Variants in FUBP3 observed in about 807,000 individuals in gnomAD.
FUBP3 encodes the protein far upstream element binding protein 3, also known as far upstream element-binding protein 3.
A neutral mutation model predicts 85.6 loss-of-function variants in FUBP3; 28 were observed. The observed-to-expected ratio is 0.33, with a 90% confidence interval of 0.24 to 0.45. The LOEUF (loss-of-function observed/expected upper bound fraction) is 0.45. Ranked by LOEUF, FUBP3 falls within the 20% of genes least tolerant of loss-of-function variation. The pLI, the probability that FUBP3 is intolerant of heterozygous loss-of-function variation, is 1.00. For synonymous variants in FUBP3, 271 were observed against 271.4 expected, an observed-to-expected ratio of 1.00 and a Z score of 0.01; for missense variants, 583 against 755.1, an observed-to-expected ratio of 0.77 and a Z score of 2.67.
chr9:130,582,998 C>T (rs1830198071), intron 1 of FUBP3, among the ~76,000 whole-genome samples: 5 of 152,156 alleles, frequency 3.3e-5, no homozygotes, highest in Admixed American at 2.6e-4. Flanking sequence ...CACTCAATGC[C>T]TCTGGATTGT....
intron 12 of FUBP3, among the ~76,000 whole-genome samples, chr9:130,629,850 G>A (rs1249239445): frequency 6.6e-6 from 1 of 152,236 alleles, no homozygotes; most frequent in Non-Finnish European, 1.5e-5. Flanking sequence ...ATCCCCCACA[G>A]AGTTGAGCAG....
chr9:130,629,906 T>C (rs1474545763), intron 12 of FUBP3, among the ~76,000 whole-genome samples: 2 of 152,224 alleles, frequency 1.3e-5, no homozygotes, highest in Non-Finnish European at 2.9e-5. Context: ...AATCCAACTA[T>C]TGTTACGCTG....
rs1347408766 is a variant in FUBP3, at chr9:130,612,191, G to A, written c.225-265G>A. 6.6e-6 allele frequency among the ~76,000 whole-genome samples: 1 copy of A among 152,188 alleles called. No homozygotes were observed. Among genetic ancestry groups the A allele is most frequent in the Non-Finnish European group, 1.5e-5 (1 of 68,026 alleles). On this transcript the variant is annotated intron_variant, in intron 3 of 18. Coordinates refer to ENST00000319725, the MANE Select transcript of FUBP3 (RefSeq NM_003934.2). This position sits in a 1 kb window ranked among gnomAD's most constrained non-coding sequence, Gnocchi z 4.1. ...CTGTATGAAGAAAAGGCAGCTGTTA[G>A]AGGAGGTGATGGTTTCATGAAAACC... is the stretch of plus-strand genomic sequence containing the variant.
chr9:130,599,353 AAGTATATG>A lies in FUBP3; in HGVS notation c.190+3766_190+3773del, dbSNP rs1056683322. ...TACACACATATATACACATATATAT[AAGTATATG>A]TGTGTGTGTGTGTGTGTGTGTGTAT... is the stretch of plus-strand genomic sequence containing the variant. On this transcript the variant is annotated intron_variant, in intron 2 of 18. Transcript: ENST00000319725. Among the ~76,000 whole-genome samples the A allele has an allele frequency of 3.2e-4, 32 of 99,056 alleles. 1 individual carries two copies. The highest frequency in any genetic ancestry group is 9.8e-4 in the South Asian group (3 of 3,076). 65.0% of individuals were successfully genotyped at this position (99,056 alleles called of 152,430 possible).
chr9:130,629,380 A>G (rs374132772), intron 12 of FUBP3, among the ~76,000 whole-genome samples: 2 of 152,166 alleles, frequency 1.3e-5, no homozygotes, highest in East Asian at 3.9e-4. Context: ...AACTTAACCA[A>G]CGTCTTCTGC....
intron 5 of FUBP3, among the ~76,000 whole-genome samples, 185 bp from the exon 6 acceptor site, chr9:130,614,103 C>T (rs1264506856): frequency 2.6e-5 from 4 of 152,198 alleles, no homozygotes; most frequent in Non-Finnish European, 5.9e-5. Flanking sequence ...GTTTCTACTT[C>T]GAGAATCTAG....
chr9:130,637,107 CT>C lies in FUBP3; in HGVS notation c.*89del. ...AACAGAGGTTTTTACATTTGCAAACCTTTTGATGAAGAACTGTTGTTTTGTT... is the reference window on the plus strand; with the variant it reads ...AACAGAGGTTTTTACATTTGCAAACCTTTGATGAAGAACTGTTGTTTTGTT... On this transcript the variant is annotated 3_prime_UTR_variant, in exon 19 of 19. Coordinates refer to ENST00000319725, the MANE Select transcript of FUBP3 (RefSeq NM_003934.2). 1.9e-6 allele frequency: 2 copies of C among 1,074,070 alleles called. No individual in the cohort carries two copies. The highest frequency in any genetic ancestry group is 2.9e-6 in the Non-Finnish European group (2 of 688,416). 66.5% of individuals were successfully genotyped at this position (1,074,070 alleles called of 1,614,324 possible).
chr9:130,631,700 C>A, intron 14 of FUBP3, 70 bp downstream of exon 14: 5 of 1,285,266 alleles, frequency 3.9e-6, no homozygotes, highest in Non-Finnish European at 5.6e-6. Flanking sequence ...TCGTTTCCAG[C>A]TACTTCTAGC....
At chr9:130,605,265 CTG>C (rs1831364041) in intron 2 of FUBP3, among the ~76,000 whole-genome samples, 1 of 152,216 alleles carries the variant, frequency 6.6e-6, no homozygotes. Context: ...CCCTGCTAGA[CTG>C]TAAGCTCCCT....
intron 2 of FUBP3, among the ~76,000 whole-genome samples, chr9:130,599,197 CAGGAG>C (rs1176302624): frequency 6.6e-6 from 1 of 152,062 alleles, no homozygotes; most frequent in Non-Finnish European, 1.5e-5. Flanking sequence ...GAGGCTGAGG[CAGGAG>C]AATCACTTGA....
intron 7 of FUBP3, among the ~76,000 whole-genome samples, 180 bp from the exon 8 acceptor site, chr9:130,617,617 G>A (rs756135073): frequency 3.3e-5 from 5 of 152,224 alleles, no homozygotes; most frequent in Non-Finnish European, 7.3e-5. Context: ...GGACATGGTC[G>A]TACCCGACCT....
intron 2 of FUBP3, 46 bp from the exon 3 acceptor site, chr9:130,609,908 C>G (rs772960850): frequency 6.8e-7 from 1 of 1,466,290 alleles, no homozygotes; most frequent in Non-Finnish European, 9.5e-7. Flanking sequence ...GTTAGTTTAT[C>G]CGTGCTAATG....
At chr9:130,628,234 T>C (rs904112257) in intron 12 of FUBP3, among the ~76,000 whole-genome samples, 1 of 152,228 alleles carries the variant, frequency 6.6e-6, no homozygotes, top group East Asian at 1.9e-4. Flanking sequence ...CCTTGGCCTC[T>C]GGCCTGGACA....
At chr9:130,609,253 G>A (rs934732832) in intron 2 of FUBP3, among the ~76,000 whole-genome samples, 1 of 152,206 alleles carries the variant, frequency 6.6e-6, no homozygotes, top group Non-Finnish European at 1.5e-5. Flanking sequence ...GGTTTTGTGG[G>A]AATGTGATTA....
At chr9:130,602,743 G>A (rs1831217646) in intron 2 of FUBP3, among the ~76,000 whole-genome samples, 1 of 152,120 alleles carries the variant, frequency 6.6e-6, no homozygotes, top group Non-Finnish European at 1.5e-5. Context: ...AAGTGAGGCT[G>A]GGATGTGGTT....
chr9:130,607,245 T>C (rs1159105612), intron 2 of FUBP3, among the ~76,000 whole-genome samples: 1 of 152,110 alleles, frequency 6.6e-6, no homozygotes, highest in Non-Finnish European at 1.5e-5. Flanking sequence ...GTGCTGGGAT[T>C]ACAGGCATGA....
At chr9:130,580,817 A>G (rs1830104202) in intron 1 of FUBP3, 1 of 152,198 alleles carries the variant, frequency 6.6e-6, no homozygotes, top group Non-Finnish European at 1.5e-5. Flanking sequence ...TAGACATTAT[A>G]TTGGATCCCA....
chr9:130,579,756 G>C lies in FUBP3; in HGVS notation c.76G>C (p.Val26Leu). Reference sequence around the variant, plus strand: ...GGGCTTCGTGGATGCCCTGCACCGGGTCCGGCAGGTACGGGCGCAGCCGGC... The same window carrying C: ...GGGCTTCGTGGATGCCCTGCACCGGCTCCGGCAGGTACGGGCGCAGCCGGC... ...AEGFVDALHR[V>L]RQIAAKIDSI... The change falls in exon 1 of 19, where the codon GTC (valine) becomes CTC (leucine). Residue 26 changes from valine (V) to leucine (L), a missense_variant. By Grantham distance (32) the Val-to-Leu change is conservative. This residue lies in a region of FUBP3 where 177 missense variants were observed against 221.9 expected (regional missense o/e 0.80). Coordinates refer to ENST00000319725, the MANE Select transcript of FUBP3 (RefSeq NM_003934.2). 2.3e-6 allele frequency: 3 copies of C among 1,279,386 alleles called. No homozygotes were observed. The highest frequency in any genetic ancestry group is 2.0e-6 in the Non-Finnish European group (2 of 1,010,382). The allele number at this position is 1,279,386 out of a possible 1,614,324, so 79.3% of individuals were successfully genotyped here. A position where few individuals can be genotyped will look rare whatever the true frequency, so the allele number is the denominator to read the frequency against.
intron 2 of FUBP3, among the ~76,000 whole-genome samples, chr9:130,597,896 G>C (rs1830948637): frequency 6.6e-6 from 1 of 152,216 alleles, no homozygotes; most frequent in African/African-American, 2.4e-5. Flanking sequence ...GAGGATGAGA[G>C]ATTCAGCACG....
Sources: allele counts gnomAD v4.1 joint callset (sites outside exome capture counted in the v4.1 genomes callset), GRCh38; gene constraint gnomAD v4.1.1; regional missense constraint gnomAD v4.1.1; non-coding constraint Gnocchi (gnomAD v3.1); transcripts MANE v1.5; gene names NCBI Gene and HGNC (gene_info 2026-07-23, HGNC 2026-07-21).